Variants in TDRP observed in about 807,000 individuals in gnomAD.
TDRP encodes testis development related protein.
In TDRP, 12 loss-of-function variants were observed where a neutral mutation model predicts 10.5. The ratio of observed to expected loss-of-function variants is 1.15; its 90% CI spans 0.73 to 1.86. The LOEUF (loss-of-function observed/expected upper bound fraction) is 1.86. TDRP is among the 40% of genes most tolerant of loss of function. The pLI, the probability that TDRP is intolerant of heterozygous loss-of-function variation, is 0.00. For synonymous variants in TDRP, 139 were observed against 95.4 expected, an observed-to-expected ratio of 1.46 and a Z score of -2.67; for missense variants, 353 against 229.2, an observed-to-expected ratio of 1.54 and a Z score of -3.49.
At chr8:530,787 T>C (rs1802171470) in intron 1 of TDRP, among the ~76,000 whole-genome samples, 1 of 152,080 alleles carries the variant, frequency 6.6e-6, no homozygotes, top group Non-Finnish European at 1.5e-5. Flanking sequence ...CAGGAATCAG[T>C]CTCTTGGGCA....
At position 489,966 on chromosome 8, in the gene TDRP, TA is replaced by T. The variant is rs1353738234; in HGVS notation, c.*2432del. The T allele has an allele frequency of 6.6e-6, 1 of 152,196 alleles. No individual in the cohort carries two copies. Among genetic ancestry groups the T allele is most frequent in the East Asian group, 1.9e-4 (1 of 5,200 alleles). The allele number at this position is 152,196 out of a possible 1,614,324, so 9.4% of individuals were successfully genotyped here. A position where few individuals can be genotyped will look rare whatever the true frequency, so the allele number is the denominator to read the frequency against. On this transcript the variant is annotated 3_prime_UTR_variant, in exon 3 of 3. Transcript: ENST00000324079. ...GGAAAGAGCTTAAAAACAGTATTTTTATTTTTAAAAAACCTCAACATTAAGG... is the reference window on the plus strand; with the variant it reads ...GGAAAGAGCTTAAAAACAGTATTTTTTTTTTAAAAAACCTCAACATTAAGG...
rs1451842832 is a variant in TDRP at position 490,846 on chromosome 8, T to G, written c.*1553A>C. The G allele has an allele frequency of 6.6e-6, 1 of 152,138 alleles. No individual in the cohort carries two copies. Among genetic ancestry groups the G allele is most frequent in the Non-Finnish European group, 1.5e-5 (1 of 68,032 alleles). The allele number at this position is 152,138 out of a possible 1,614,324, so 9.4% of individuals were successfully genotyped here. A position where few individuals can be genotyped will look rare whatever the true frequency, so the allele number is the denominator to read the frequency against. On this transcript the variant is annotated 3_prime_UTR_variant, in exon 3 of 3. Coordinates refer to ENST00000324079, the MANE Select transcript of TDRP (RefSeq NM_001384899.1). The stretch of plus-strand genomic sequence containing the variant: ...GAACACCAATTGAAACATGTCCCCC[T>G]TTCAAGACTTGATAAGTAAACTTCT...
chr8:509,277 G>A (rs1283961540), intron 1 of TDRP, among the ~76,000 whole-genome samples: 1 of 152,206 alleles, frequency 6.6e-6, no homozygotes, highest in South Asian at 2.1e-4. Context: ...CCCCAGAGGG[G>A]ACTCTCTGTG....
chr8:518,562 A>G (rs1359368530), intron 1 of TDRP, among the ~76,000 whole-genome samples: 3 of 152,180 alleles, frequency 2.0e-5, no homozygotes, highest in African/African-American at 4.8e-5. Flanking sequence ...AAAAAGAACA[A>G]AAGTCTAGGA....
intron 1 of TDRP, among the ~76,000 whole-genome samples, chr8:505,678 C>T (rs1276610630): frequency 6.6e-6 from 1 of 152,220 alleles, no homozygotes; most frequent in Non-Finnish European, 1.5e-5. Context: ...GTCAGTGCTT[C>T]ACTGAGGCTT....
At chr8:528,392 GCAATCCCAC>G (rs1802093535) in intron 1 of TDRP, among the ~76,000 whole-genome samples, 1 of 150,764 alleles carries the variant, frequency 6.6e-6, no homozygotes, top group South Asian at 2.2e-4. Context: ...ATAGGATCCA[GCAATCCCAC>G]TGCTAGATAT....
Position 502,122 on chromosome 8 carries a change from A to G in TDRP, c.109-7525T>C, listed in dbSNP as rs142114615. The stretch of plus-strand genomic sequence containing the variant: ...GAAAATGCTGTGATCCTGGGAACAC[A>G]AAACACAGTGCCCCCAACAGGCTAA... On this transcript the variant is annotated intron_variant, in intron 1 of 2. Coordinates refer to ENST00000324079, the MANE Select transcript of TDRP (RefSeq NM_001384899.1). Among the ~76,000 whole-genome samples, 322 of 152,354 alleles carry G rather than the reference A, an allele frequency of 2.1e-3. 1 individual carries two copies. Among genetic ancestry groups the G allele is most frequent in the African/African-American group, 7.3e-3 (302 of 41,588 alleles).
chr8:531,495 G>T (rs1353747902), intron 1 of TDRP, among the ~76,000 whole-genome samples: 1 of 152,160 alleles, frequency 6.6e-6, no homozygotes, highest in East Asian at 1.9e-4. Context: ...AATGTCAGAA[G>T]GAAACTGAAT....
Position 492,495 on chromosome 8 carries a change from G to C in TDRP, c.462C>G (p.Asn154Lys), listed in dbSNP as rs780470826. 30 of 1,610,878 alleles carry C rather than the reference G, an allele frequency of 1.9e-5. No homozygotes were observed. Among genetic ancestry groups the C allele is most frequent in the Non-Finnish European group, 2.5e-5 (30 of 1,178,164 alleles). Residue 154 changes from asparagine to lysine, a missense_variant, in exon 3 of 3, where the codon AAC becomes AAG. Coordinates refer to ENST00000324079, the MANE Select transcript of TDRP (RefSeq NM_001384899.1). ...CCGCGCGCAGGCTCCACCTGGAGCT[G>C]TTGGCAGAGCTGGCCAGGCTGGTGT... ...TKYTSLASSA[N>K]SSRWSLRAAG...
chr8:491,814 G>C lies in TDRP; in HGVS notation c.*585C>G. On this transcript the variant is annotated 3_prime_UTR_variant, in exon 3 of 3. Transcript: ENST00000324079. ...AGAAGCTATTCCTCCCTCAGCAAAA[G>C]ATGAACATGCATTTTAAGATACATT... is the stretch of plus-strand genomic sequence containing the variant. 8.0e-7 allele frequency: 1 copy of C among 1,249,466 alleles called. No homozygotes were observed. Among genetic ancestry groups the C allele is most frequent in the Non-Finnish European group, 1.0e-6 (1 of 997,922 alleles). The allele number at this position is 1,249,466 out of a possible 1,614,324, so 77.4% of individuals were successfully genotyped here. A position where few individuals can be genotyped will look rare whatever the true frequency, so the allele number is the denominator to read the frequency against.
chr8:530,487 G>A (rs924897002), intron 1 of TDRP, among the ~76,000 whole-genome samples: 38 of 152,270 alleles, frequency 2.5e-4, no homozygotes, highest in Admixed American at 1.0e-3. Flanking sequence ...TTTATGGACT[G>A]GCTTGGTACA....
chr8:544,735 C>G lies in TDRP; in HGVS notation c.23G>C (p.Arg8Pro), dbSNP rs1261532848. Residue 8 changes from arginine to proline, a missense_variant, in exon 1 of 3, where the codon CGA (arginine) becomes CCA (proline). By Grantham distance (103) the Arg-to-Pro change is moderately radical. Transcript: ENST00000324079. Reference protein sequence around the residue: MWKLGRGRVLLDEPPEEE... With the variant: MWKLGRGPVLLDEPPEEE... The stretch of plus-strand genomic sequence containing the variant: ...CTCGGGGGGCTCGTCCAGCAGCACT[C>G]GGCCCCGGCCCAGCTTCCACATGGT... 2 of 1,239,934 alleles carry G rather than the reference C, an allele frequency of 1.6e-6. No homozygotes were observed. The highest frequency in any genetic ancestry group is 1.6e-5 in the African/African-American group (1 of 64,352). 76.8% of individuals were successfully genotyped at this position (1,239,934 alleles called of 1,614,324 possible).
In TDRP at chr8:491,213, G is replaced by C. The variant is rs886889367; in HGVS notation, c.*1186C>G. On this transcript the variant is annotated 3_prime_UTR_variant, in exon 3 of 3. Coordinates refer to ENST00000324079, the MANE Select transcript of TDRP (RefSeq NM_001384899.1). ...AGTGCATGCCGAGCAACTCAGGAAA[G>C]GGTTTTTGTCTTGTTTTTACGTGAG... 6.3e-6 allele frequency: 1 copy of C among 158,810 alleles called. No individual in the cohort carries two copies. The highest frequency in any genetic ancestry group is 6.5e-5 in the Admixed American group (1 of 15,482). 9.8% of individuals were successfully genotyped at this position (158,810 alleles called of 1,614,324 possible).
chr8:497,574 T>C (rs1284462071), intron 1 of TDRP, among the ~76,000 whole-genome samples: 2 of 152,032 alleles, frequency 1.3e-5, no homozygotes, highest in East Asian at 1.9e-4. Context: ...GTTTGGAAAA[T>C]TTGCAGCCTG....
At chr8:507,441 T>G (rs555836794) in intron 1 of TDRP, among the ~76,000 whole-genome samples, 1 of 152,276 alleles carries the variant, frequency 6.6e-6, no homozygotes, top group East Asian at 1.9e-4. Context: ...GAAGCCACAA[T>G]TTGACTGGAT....
intron 1 of TDRP, among the ~76,000 whole-genome samples, chr8:505,198 T>G (rs572006255): frequency 6.6e-6 from 1 of 152,308 alleles, no homozygotes; most frequent in South Asian, 2.1e-4. Flanking sequence ...AAAACAGCTA[T>G]AGCCACCCTT....
At chr8:503,885 C>T (rs932948402) in intron 1 of TDRP, among the ~76,000 whole-genome samples, 1 of 146,256 alleles carries the variant, frequency 6.8e-6, no homozygotes, top group African/African-American at 2.5e-5. Flanking sequence ...TCCAGAGCCA[C>T]ACAAGGGTAA....
rs373696839 is a variant in TDRP, at chr8:492,560, A to G, written c.397T>C (p.Trp133Arg). ...PEDTVGGHPS[W>R]SGWEDDAKGS... ...TTGGCGTCATCCTCCCAGCCTGACC[A>G]GGATGGGTGGCCACCCACGGTGTCC... The change falls in exon 3 of 3, where the codon TGG (tryptophan) becomes CGG (arginine). Residue 133 changes from tryptophan to arginine, a missense_variant. Trp to Arg is a moderately radical substitution (Grantham distance 101). Coordinates refer to ENST00000324079, the MANE Select transcript of TDRP (RefSeq NM_001384899.1). The G allele has an allele frequency of 7.3e-5, 118 of 1,613,158 alleles. No homozygotes were observed. In the African/African-American group the frequency reaches 1.3e-3, roughly 18 times the overall value.
intron 1 of TDRP, among the ~76,000 whole-genome samples, chr8:507,328 G>C (rs1801493992): frequency 5.3e-5 from 8 of 152,088 alleles, no homozygotes; most frequent in Admixed American, 4.6e-4. Flanking sequence ...TGAGACCTGA[G>C]GCTGCTGGCT....
Sources: gnomAD v4.1 joint callset for allele counts (sites outside exome capture counted in the v4.1 genomes callset) on GRCh38, gnomAD v4.1.1 for gene constraint, MANE v1.5 for transcripts, NCBI Gene and HGNC (gene_info 2026-07-23, HGNC 2026-07-21) for gene names.